The following PDLIM5 variants were observed in gnomAD, a reference collection of about 807,000 sequenced individuals.
The protein encoded by PDLIM5 is PDZ and LIM domain protein 5.
PDLIM5 carries 34 observed loss-of-function variants against 64.2 expected under a neutral mutation model. That is an observed-to-expected ratio of 0.53 (90% CI 0.40 to 0.71). The LOEUF (loss-of-function observed/expected upper bound fraction) is 0.71. Among genes scored for constraint, PDLIM5 ranks in the 30% least tolerant of loss-of-function variants. The probability of loss-of-function intolerance (pLI) is 0.00; values close to 1 mark genes in which losing one functional copy is unlikely to be tolerated. For missense variants in PDLIM5, 683 were observed against 733.6 expected, an observed-to-expected ratio of 0.93 and a Z score of 0.80; for synonymous variants, 253 against 269.1, an observed-to-expected ratio of 0.94 and a Z score of 0.59.
At chr4:94,630,667 G>T (rs1256243077) in intron 8 of PDLIM5, among the ~76,000 whole-genome samples, 1 of 151,988 alleles carries the variant, frequency 6.6e-6, no homozygotes, top group African/African-American at 2.4e-5. Context: ...GAGCTACTGC[G>T]CCCGGCCTAG....
intron 2 of PDLIM5, among the ~76,000 whole-genome samples, chr4:94,499,238 C>T (rs1405924313): frequency 6.6e-6 from 1 of 151,930 alleles, no homozygotes; most frequent in African/African-American, 2.4e-5. Context: ...AACCACAGGT[C>T]TTTATTTAAT....
chr4:94,654,647 A>G lies in PDLIM5; in HGVS notation c.1464+7A>G, dbSNP rs771695154. 3 of 1,573,578 alleles carry G rather than the reference A, an allele frequency of 1.9e-6. No homozygotes were observed. The highest frequency in any genetic ancestry group is 2.6e-6 in the Non-Finnish European group (3 of 1,148,702). On this transcript the variant is annotated splice_region_variant and intron_variant, in intron 10 of 12. Transcript: ENST00000317968. Reference sequence around the variant, plus strand: ...CCAAAGGAAGATCCTTGGAGTAAGTATTGGAAACGTTTTTATTCTGAATGA... The same window carrying G: ...CCAAAGGAAGATCCTTGGAGTAAGTGTTGGAAACGTTTTTATTCTGAATGA...
At chr4:94,538,763 T>C (rs1022388050) in intron 3 of PDLIM5, among the ~76,000 whole-genome samples, 5 of 152,220 alleles carry the variant, frequency 3.3e-5, no homozygotes, top group African/African-American at 1.2e-4. Context: ...TGAATTTCTT[T>C]CTTTCTTTAG....
intron 11 of PDLIM5, among the ~76,000 whole-genome samples, chr4:94,659,872 T>A (rs1399203786): frequency 6.7e-6 from 1 of 148,978 alleles, no homozygotes; most frequent in Non-Finnish European, 1.5e-5. Context: ...TTAAACCCTT[T>A]AGTGGGTTCC....
At chr4:94,639,607 A>G (rs905657369) in intron 8 of PDLIM5, among the ~76,000 whole-genome samples, 1 of 152,208 alleles carries the variant, frequency 6.6e-6, no homozygotes, top group Non-Finnish European at 1.5e-5. Flanking sequence ...CAGTCTCCTT[A>G]GAGAATCCAG....
At chr4:94,618,626 T>C (rs547158961) in intron 8 of PDLIM5, among the ~76,000 whole-genome samples, 1 of 152,334 alleles carries the variant, frequency 6.6e-6, no homozygotes, top group Non-Finnish European at 1.5e-5. Context: ...TCTTACAGTT[T>C]ATGTAGCATA....
At chr4:94,491,197 A>G (rs1354097846) in intron 2 of PDLIM5, among the ~76,000 whole-genome samples, 1 of 152,150 alleles carries the variant, frequency 6.6e-6, no homozygotes, top group Non-Finnish European at 1.5e-5. Flanking sequence ...CCGACTGCTA[A>G]GGGGATTGAT....
At position 94,583,776 on chromosome 4, in the gene PDLIM5, G is replaced by A. The variant is rs1412460095; in HGVS notation, c.711-1789G>A. On this transcript the variant is annotated intron_variant, in intron 5 of 12. Coordinates refer to ENST00000317968, the MANE Select transcript of PDLIM5 (RefSeq NM_006457.5). ...TTGTATATGCAGATTATTCATAGTCGTAGAACATGTATTACAGTTGATTTT... is the reference window on the plus strand; with the variant it reads ...TTGTATATGCAGATTATTCATAGTCATAGAACATGTATTACAGTTGATTTT... 2.0e-5 allele frequency among the ~76,000 whole-genome samples: 3 copies of A among 152,052 alleles called. No homozygotes were observed. The East Asian group carries it at 5.8e-4, about 29-fold the overall frequency.
chr4:94,659,494 ATGTGTG>A (rs1163008328), intron 11 of PDLIM5, among the ~76,000 whole-genome samples: 4,223 of 109,028 alleles, frequency 0.039, 85 homozygotes, highest in African/African-American at 0.069. Context: ...ATATGTGTGT[ATGTGTG>A]TGTGTGTGTG....
chr4:94,481,316 A>T (rs1321850774), intron 2 of PDLIM5, among the ~76,000 whole-genome samples: 19 of 140,992 alleles, frequency 1.3e-4, no homozygotes, highest in African/African-American at 5.1e-4. Context: ...TTTGAGACAG[A>T]GTCTTGCTCT....
At chr4:94,496,295 A>G (rs938089400) in intron 2 of PDLIM5, among the ~76,000 whole-genome samples, 1 of 152,174 alleles carries the variant, frequency 6.6e-6, no homozygotes, top group African/African-American at 2.4e-5. Context: ...TGATAAATAT[A>G]TTAGAGGTCA....
intron 3 of PDLIM5, among the ~76,000 whole-genome samples, chr4:94,547,351 A>G (rs557851265): frequency 6.6e-6 from 1 of 152,234 alleles, no homozygotes; most frequent in African/African-American, 2.4e-5. Context: ...TCTGGAGACT[A>G]CCTGCATTCC....
At chr4:94,529,903 A>G (rs890177809) in intron 3 of PDLIM5, among the ~76,000 whole-genome samples, 2 of 152,202 alleles carry the variant, frequency 1.3e-5, no homozygotes, top group Non-Finnish European at 2.9e-5. Flanking sequence ...GTGTTTGCCT[A>G]TGATTTTGAT....
chr4:94,630,762 A>T (rs1208710802), intron 8 of PDLIM5, among the ~76,000 whole-genome samples: 2 of 152,152 alleles, frequency 1.3e-5, no homozygotes, highest in Non-Finnish European at 2.9e-5. Flanking sequence ...AGGAATCAAA[A>T]TGTATTTTAT....
intron 3 of PDLIM5, among the ~76,000 whole-genome samples, chr4:94,537,622 A>G (rs1193796732): frequency 6.6e-6 from 1 of 152,154 alleles, no homozygotes; most frequent in Non-Finnish European, 1.5e-5. Flanking sequence ...TAAGTAAAGC[A>G]TATTAAAGAA....
chr4:94,662,816 C>G (rs542034877), intron 12 of PDLIM5, among the ~76,000 whole-genome samples: 1 of 100,700 alleles, frequency 9.9e-6, no homozygotes, highest in Non-Finnish European at 2.0e-5. Context: ...AGTAAGATTC[C>G]TTTACTTAAA....
At position 94,499,045 on chromosome 4, in the gene PDLIM5, T is replaced by C. The variant is rs1049868019; in HGVS notation, c.97-24679T>C. 1.3e-4 allele frequency among the ~76,000 whole-genome samples: 20 copies of C among 152,222 alleles called. 1 individual carries two copies. The highest frequency in any genetic ancestry group is 2.2e-4 in the Non-Finnish European group (15 of 68,030). On this transcript the variant is annotated intron_variant, in intron 2 of 12. Transcript: ENST00000317968. ...GGTTGGGTATTGTGGTCTACTTTAGTAGACCATATGAATGAGAACTTGAAC... is the reference window on the plus strand; with the variant it reads ...GGTTGGGTATTGTGGTCTACTTTAGCAGACCATATGAATGAGAACTTGAAC...
At chr4:94,581,005 T>G (rs1735688336) in intron 5 of PDLIM5, among the ~76,000 whole-genome samples, 1 of 152,198 alleles carries the variant, frequency 6.6e-6, no homozygotes, top group Non-Finnish European at 1.5e-5. Flanking sequence ...TGTGTAGTTT[T>G]CAAAGTGCCT....
chr4:94,514,353 C>G (rs1729180360), intron 2 of PDLIM5, among the ~76,000 whole-genome samples: 1 of 151,958 alleles, frequency 6.6e-6, no homozygotes, highest in Non-Finnish European at 1.5e-5. Flanking sequence ...CCAGGATGGT[C>G]TCAATCTCCT....
Sources: gnomAD v4.1 joint callset for allele counts (sites outside exome capture counted in the v4.1 genomes callset) on GRCh38, gnomAD v4.1.1 for gene constraint, MANE v1.5 for transcripts, NCBI Gene and HGNC (gene_info 2026-07-23, HGNC 2026-07-21) for gene names.